The following SMYD3 variants were observed in gnomAD, a reference collection of about 807,000 sequenced individuals.
SMYD3 encodes the protein SET and MYND domain containing 3.
A neutral mutation model predicts 57.7 loss-of-function variants in SMYD3; 36 were observed. The ratio of observed to expected loss-of-function variants is 0.62; its 90% confidence interval spans 0.48 to 0.82. SMYD3 has a LOEUF of 0.82. SMYD3 is among the 40% of genes least tolerant of loss of function. The probability of loss-of-function intolerance (pLI) is 0.00; values close to 1 mark genes in which losing one functional copy is unlikely to be tolerated. For synonymous variants in SMYD3, 211 were observed against 195.0 expected (o/e 1.08, Z -0.68); for missense variants, 515 against 538.8 (o/e 0.96, Z 0.44).
chr1:245,969,414 A>T (rs2058239423), intron 5 of SMYD3, among the ~76,000 whole-genome samples: 1 of 152,256 alleles, frequency 6.6e-6, no homozygotes, highest in Non-Finnish European at 1.5e-5. Flanking sequence ...CTGGAGGGGT[A>T]AAAACCACTA....
At chr1:245,841,737 T>C (rs1050761340) in intron 10 of SMYD3, among the ~76,000 whole-genome samples, 7 of 152,222 alleles carry the variant, frequency 4.6e-5, no homozygotes, top group African/African-American at 7.2e-5. Context: ...GTATTTCATA[T>C]AGGAATTGTT....
chr1:245,965,875 C>G (rs1180988046), intron 5 of SMYD3, among the ~76,000 whole-genome samples: 1 of 152,096 alleles, frequency 6.6e-6, no homozygotes, highest in African/African-American at 2.4e-5. Context: ...CTAATGTCAA[C>G]TCGGGAGTCT....
intron 5 of SMYD3, among the ~76,000 whole-genome samples, chr1:246,265,601 C>G (rs1019918008): frequency 6.6e-6 from 1 of 152,130 alleles, no homozygotes; most frequent in Non-Finnish European, 1.5e-5. Flanking sequence ...TTGGGATATT[C>G]ACATGTCAGC....
At chr1:246,293,177 G>A (rs772097445) in intron 5 of SMYD3, among the ~76,000 whole-genome samples, 5 of 151,554 alleles carry the variant, frequency 3.3e-5, no homozygotes, top group Non-Finnish European at 7.4e-5. Context: ...CCTAAAGAAT[G>A]TTATGGGTCC....
At chr1:246,120,737 T>C (rs150389154) in intron 5 of SMYD3, among the ~76,000 whole-genome samples, 179 of 152,318 alleles carry the variant, frequency 1.2e-3, no homozygotes, top group Non-Finnish European at 2.0e-3. Context: ...ATTTATTCTG[T>C]GAAATCATCT....
intron 5 of SMYD3, among the ~76,000 whole-genome samples, chr1:246,242,324 A>T (rs2063627266): frequency 6.6e-6 from 1 of 152,120 alleles, no homozygotes; most frequent in Non-Finnish European, 1.5e-5. Context: ...GAACATCTTT[A>T]TTTCTGCCTT....
At chr1:246,461,865 T>C (rs1397097920) in intron 1 of SMYD3, among the ~76,000 whole-genome samples, 1 of 152,220 alleles carries the variant, frequency 6.6e-6, no homozygotes, top group East Asian at 1.9e-4. Context: ...TGTTCACGTA[T>C]TCATTCTCAT....
intron 10 of SMYD3, among the ~76,000 whole-genome samples, chr1:245,823,445 C>A (rs907292495): frequency 1.4e-4 from 21 of 152,214 alleles, no homozygotes; most frequent in Admixed American, 3.9e-4. Flanking sequence ...AAGGGCACAT[C>A]CTCCTTTAAC....
intron 8 of SMYD3, among the ~76,000 whole-genome samples, chr1:245,873,631 T>A (rs1000315381): frequency 1.3e-5 from 2 of 152,146 alleles, no homozygotes; most frequent in Non-Finnish European, 2.9e-5. Context: ...ATGCTCTCAT[T>A]CTCCTCTGCC....
intron 8 of SMYD3, among the ~76,000 whole-genome samples, chr1:245,871,091 T>G (rs2052166935): frequency 2.6e-5 from 4 of 152,204 alleles, no homozygotes; most frequent in Admixed American, 2.0e-4. Flanking sequence ...ACTTACAAAC[T>G]TTTCCAGTAA....
intron 5 of SMYD3, among the ~76,000 whole-genome samples, chr1:246,223,557 G>A (rs1241577933): frequency 6.6e-6 from 1 of 152,082 alleles, no homozygotes; most frequent in African/African-American, 2.4e-5. Context: ...GTCATCTTAT[G>A]TATATACTGA....
At chr1:245,995,688 G>C (rs1195085624) in intron 5 of SMYD3, among the ~76,000 whole-genome samples, 4 of 152,350 alleles carry the variant, frequency 2.6e-5, no homozygotes, top group Admixed American at 2.0e-4. Context: ...AATGCAGCCT[G>C]CAGGGCTGAC....
chr1:246,301,655 C>A (rs2064893523), intron 5 of SMYD3, among the ~76,000 whole-genome samples: 1 of 152,094 alleles, frequency 6.6e-6, no homozygotes, highest in Non-Finnish European at 1.5e-5. Context: ...TCTGACATCT[C>A]CTAAGCTTTA....
intron 10 of SMYD3, among the ~76,000 whole-genome samples, chr1:245,783,686 TAAGTA>T (rs2046924708): frequency 6.6e-6 from 1 of 152,104 alleles, no homozygotes; most frequent in Admixed American, 6.6e-5. Context: ...ATAAGTGAAT[TAAGTA>T]AAGCAGCAGG....
intron 5 of SMYD3, among the ~76,000 whole-genome samples, chr1:246,194,546 C>T (rs888517304): frequency 5.9e-5 from 9 of 152,174 alleles, no homozygotes; most frequent in Admixed American, 1.3e-4. Flanking sequence ...GGATTACAGG[C>T]GTCAGCCACT....
intron 5 of SMYD3, among the ~76,000 whole-genome samples, chr1:246,298,220 C>G (rs1325670038): frequency 6.9e-6 from 1 of 144,912 alleles, no homozygotes; most frequent in Non-Finnish European, 1.5e-5. Flanking sequence ...CAAGAGCACA[C>G]TGAGGTAAAA....
In SMYD3 at chr1:246,456,463, A is replaced by G. The variant is rs553241189; in HGVS notation, c.164+50591T>C. 3.9e-5 allele frequency among the ~76,000 whole-genome samples: 6 copies of G among 152,294 alleles called. No individual in the cohort carries two copies. The South Asian group carries it at 1.0e-3, about 26-fold the overall frequency. ...TCCTGGACTGGTCAGCTCCACCTGA[A>G]TATCTCACAGGCACCTCAAATTTCC... On this transcript the variant is annotated intron_variant, in intron 1 of 11. Transcript: ENST00000490107.
intron 5 of SMYD3, among the ~76,000 whole-genome samples, chr1:246,049,266 C>T (rs1275971408): frequency 3.3e-5 from 5 of 152,094 alleles, no homozygotes; most frequent in Admixed American, 6.5e-5. Flanking sequence ...AAAACAGAGT[C>T]GTTAAATATA....
chr1:246,471,379 T>C (rs2103049012), intron 1 of SMYD3, among the ~76,000 whole-genome samples: 1 of 152,224 alleles, frequency 6.6e-6, no homozygotes, highest in East Asian at 1.9e-4. Context: ...TGTTTTTTTG[T>C]AGAGACAGGG....
Sources: gnomAD v4.1 joint callset for allele counts (sites outside exome capture counted in the v4.1 genomes callset) on GRCh38, gnomAD v4.1.1 for gene constraint, MANE v1.5 for transcripts, NCBI Gene and HGNC (gene_info 2026-07-23, HGNC 2026-07-21) for gene names.